Variants in RAB3IL1 observed in about 807,000 individuals in gnomAD.
RAB3IL1 encodes the protein guanine nucleotide exchange factor for Rab-3A.
Under a neutral mutation model 49.2 loss-of-function variants are expected in RAB3IL1, and 37 were observed. That is an observed-to-expected ratio of 0.75 (90% confidence interval 0.58 to 0.99). The LOEUF (loss-of-function observed/expected upper bound fraction) is 0.99, where lower values mean the gene tolerates loss of function less well. RAB3IL1 is among the 50% of genes least tolerant of loss of function. RAB3IL1 has a pLI of 0.00. For synonymous variants in RAB3IL1, 193 were observed against 213.9 expected (o/e 0.90, Z 0.85); for missense variants, 484 against 513.0 (o/e 0.94, Z 0.55).
upstream of RAB3IL1, chr11:61,919,994 C>G: frequency 8.3e-7 from 1 of 1,205,512 alleles, no homozygotes; most frequent in Non-Finnish European, 1.0e-6. Context: ...TGCCCTGAAG[C>G]TTGCCAAGAC....
chr11:61,902,186 T>C (rs1330304254), intron 8 of RAB3IL1, among the ~76,000 whole-genome samples: 3 of 152,236 alleles, frequency 2.0e-5, no homozygotes, highest in Admixed American at 6.5e-5. Context: ...TGGTGGCACA[T>C]GCCTGTAATC....
At chr11:61,942,335 T>A in the RAB3IL1 span, among the ~76,000 whole-genome samples, 1 of 152,098 alleles carries the variant, frequency 6.6e-6, no homozygotes, top group Non-Finnish European at 1.5e-5. Flanking sequence ...GGCCGCAGGG[T>A]CCTCTGCCTA....
the RAB3IL1 span, among the ~76,000 whole-genome samples, chr11:61,928,580 G>A: frequency 6.6e-6 from 1 of 150,410 alleles, no homozygotes; most frequent in Non-Finnish European, 1.5e-5. Flanking sequence ...ACTACATGAA[G>A]CGAGGACCCT....
chr11:61,899,360 G>C lies in RAB3IL1; in HGVS notation c.1020C>G (p.Phe340Leu). ...GCTGGATGTAGCGGATGTAGGTGAA[G>C]AAGTTGCACACTGCGGTGATCTGTG... ...SRARITAVCN[F>L]FTYIRYIQQG... Residue 340 changes from phenylalanine (F) to leucine (L), a missense_variant, in exon 9 of 10, where the codon TTC becomes TTG. Coordinates refer to ENST00000394836, the MANE Select transcript of RAB3IL1 (RefSeq NM_013401.4). 6.2e-7 allele frequency: 1 copy of C among 1,609,556 alleles called. No individual in the cohort carries two copies. Among genetic ancestry groups the C allele is most frequent in the Non-Finnish European group, 8.5e-7 (1 of 1,179,814 alleles).
chr11:61,929,837 C>T, the RAB3IL1 span, among the ~76,000 whole-genome samples: 4 of 149,262 alleles, frequency 2.7e-5, no homozygotes, highest in East Asian at 4.0e-4. Flanking sequence ...CTGTCTGCCT[C>T]GGCCTCCCAA....
the RAB3IL1 span, among the ~76,000 whole-genome samples, chr11:61,926,104 CAAAAAAAA>C: frequency 1.6e-5 from 1 of 64,064 alleles, no homozygotes; most frequent in African/African-American, 6.0e-5. Context: ...TCCTTCCTGC[CAAAAAAAA>C]AAAAAAAAAA....
At chr11:61,917,146 C>A (rs965030086) in intron 1 of RAB3IL1, among the ~76,000 whole-genome samples, 5 of 151,972 alleles carry the variant, frequency 3.3e-5, no homozygotes, top group Non-Finnish European at 5.9e-5. Context: ...CGGTCGGCTG[C>A]CCACCCTTCG....
upstream of RAB3IL1, among the ~76,000 whole-genome samples, chr11:61,920,907 G>A (rs1939890842): frequency 6.6e-6 from 1 of 152,284 alleles, no homozygotes; most frequent in South Asian, 2.1e-4. Context: ...TGGGCAACAA[G>A]AGCAAAACTC....
chr11:61,918,908 G>A (rs887601609), upstream of RAB3IL1, among the ~76,000 whole-genome samples: 2 of 152,126 alleles, frequency 1.3e-5, no homozygotes, highest in Non-Finnish European at 2.9e-5. Flanking sequence ...CCATGGCCAC[G>A]GCTTCCAGAG....
chr11:61,902,381 A>G, intron 8 of RAB3IL1, 61 bp downstream of exon 8: 1 of 1,408,280 alleles, frequency 7.1e-7, no homozygotes, highest in South Asian at 1.2e-5. Context: ...CCCAGGGCCC[A>G]GTGTCCCAGC....
the RAB3IL1 span, among the ~76,000 whole-genome samples, chr11:61,944,264 TTCCTTCCC>T: frequency 6.6e-6 from 1 of 150,960 alleles, no homozygotes; most frequent in Non-Finnish European, 1.5e-5. Flanking sequence ...CCTTCCTTCC[TTCCTTCCC>T]TCCTTTGTTG....
chr11:61,927,418 A>G, the RAB3IL1 span, among the ~76,000 whole-genome samples: 2 of 152,324 alleles, frequency 1.3e-5, no homozygotes, highest in African/African-American at 4.8e-5. Flanking sequence ...AGGTACAAGG[A>G]TAGGGGAAGT....
chr11:61,921,433 T>C (rs141343653), upstream of RAB3IL1, among the ~76,000 whole-genome samples: 1,143 of 152,274 alleles, frequency 7.5e-3, 8 homozygotes, highest in Middle Eastern at 0.024. Context: ...TTCCTCTTCT[T>C]TCCACATACT....
the RAB3IL1 span, among the ~76,000 whole-genome samples, chr11:61,925,821 T>A: frequency 0.011 from 1,716 of 152,076 alleles, 27 homozygotes; most frequent in African/African-American, 0.039. Flanking sequence ...TCAGGTTAAA[T>A]CCTGAAAAGC....
the RAB3IL1 span, among the ~76,000 whole-genome samples, chr11:61,925,871 G>A: frequency 1.3e-5 from 2 of 152,138 alleles, no homozygotes; most frequent in Non-Finnish European, 2.9e-5. Flanking sequence ...TATTCTAAAG[G>A]CTCCAAGGAG....
chr11:61,915,918 G>A (rs1219768897), intron 1 of RAB3IL1, among the ~76,000 whole-genome samples: 5 of 151,494 alleles, frequency 3.3e-5, no homozygotes, highest in Non-Finnish European at 7.4e-5. Flanking sequence ...GGCGCCTGTA[G>A]TCCCAGCTAC....
chr11:61,942,904 G>T, the RAB3IL1 span, among the ~76,000 whole-genome samples: 1 of 152,182 alleles, frequency 6.6e-6, no homozygotes, highest in Non-Finnish European at 1.5e-5. Flanking sequence ...TATGTTCATG[G>T]ATTGGAAGAC....
At chr11:61,916,031 CAAA>C (rs35371411) in intron 1 of RAB3IL1, among the ~76,000 whole-genome samples, 4 of 88,910 alleles carry the variant, frequency 4.5e-5, no homozygotes, top group African/African-American at 3.7e-5. Flanking sequence ...CACTCTGTCT[CAAA>C]AAAAAAAAAA....
chr11:61,906,974 C>T lies in RAB3IL1; in HGVS notation c.439-290G>A, dbSNP rs984152406. Among the ~76,000 whole-genome samples, 8 of 152,200 alleles carry T rather than the reference C, an allele frequency of 5.3e-5. No homozygotes were observed. The highest frequency in any genetic ancestry group is 1.9e-4 in the East Asian group (1 of 5,192). On this transcript the variant is annotated intron_variant, in intron 4 of 9. Transcript: ENST00000394836. The surrounding 1 kb of genome is among the most constrained non-coding windows in gnomAD (Gnocchi z 4.6). ...GGGCCTCCCATGAGAGTTCTGGGAC[C>T]GCCCCCAGGAGCCAGGAAAGGCCCA...
Sources: gnomAD v4.1 joint callset for allele counts (sites outside exome capture counted in the v4.1 genomes callset) on GRCh38, gnomAD v4.1.1 for gene constraint, Gnocchi (gnomAD v3.1) non-coding constraint, MANE v1.5 for transcripts, NCBI Gene and HGNC (gene_info 2026-07-23, HGNC 2026-07-21) for gene names.